The following ZNF121 variants were observed in gnomAD, a reference collection of about 807,000 sequenced individuals.
The protein encoded by ZNF121 is zinc finger protein 121, also known as zinc finger protein 121 (clone ZHC32).
In ZNF121, 1 loss-of-function variant was observed where a neutral mutation model predicts 2.4. The ratio of observed to expected loss-of-function variants is 0.41; its 90% CI spans 0.15 to 1.94. The LOEUF (loss-of-function observed/expected upper bound fraction) is 1.94. Among genes scored for constraint, ZNF121 ranks in the 30% most tolerant of loss-of-function variants. The probability of loss-of-function intolerance (pLI) is 0.30; values close to 1 mark genes in which losing one functional copy is unlikely to be tolerated. For missense variants in ZNF121, 369 were observed against 466.3 expected (o/e 0.79, Z 1.92); for synonymous variants, 173 against 158.6 (o/e 1.09, Z -0.68).
In ZNF121 at chr19:9,565,185, G is replaced by A. The variant is rs1340913168; in HGVS notation, c.*755C>T. ...GGCATGCCTGTATCTTGTATCAATA[G>A]GGTTTCTCTTCTCCATTGCAACATC... On this transcript the variant is annotated 3_prime_UTR_variant, in exon 4 of 4. Transcript: ENST00000320451. The A allele has an allele frequency of 6.6e-6, 1 of 151,480 alleles. No homozygotes were observed. The highest frequency in any genetic ancestry group is 1.5e-5 in the Non-Finnish European group (1 of 67,912). 9.4% of individuals were successfully genotyped at this position (151,480 alleles called of 1,614,324 possible).
In ZNF121 at chr19:9,566,658, A is replaced by C. The variant is rs778751023; in HGVS notation, c.455T>G (p.Phe152Cys). 1.2e-5 allele frequency: 20 copies of C among 1,614,052 alleles called. No homozygotes were observed. The African/African-American group carries it at 1.6e-4, about 13-fold the overall frequency. Residue 152 changes from phenylalanine to cysteine, a missense_variant, in exon 4 of 4, where the codon TTC (phenylalanine) becomes TGC (cysteine). Coordinates refer to ENST00000320451, the MANE Select transcript of ZNF121 (RefSeq NM_001008727.5). ...ATTAAGATATGAAGAATATCTAAAG[A>C]ATTTTCCACATTCCTTACATTCGTA... ...KPYECKECGK[F>C]FRYSSYLNSH...
At chr19:9,577,045 C>T (rs966895872) in intron 1 of ZNF121, among the ~76,000 whole-genome samples, 14 of 152,168 alleles carry the variant, frequency 9.2e-5, no homozygotes, top group Non-Finnish European at 1.9e-4. Flanking sequence ...CAATACAACT[C>T]GAATTCCTCA....
chr19:9,582,164 C>T (rs1169006820), intron 1 of ZNF121, among the ~76,000 whole-genome samples: 1 of 152,148 alleles, frequency 6.6e-6, no homozygotes, highest in African/African-American at 2.4e-5. Flanking sequence ...AAAAAATTAG[C>T]TGGGCATGGC....
intron 1 of ZNF121, among the ~76,000 whole-genome samples, chr19:9,581,775 G>A (rs2074249916): frequency 6.6e-6 from 1 of 152,128 alleles, no homozygotes; most frequent in African/African-American, 2.4e-5. Flanking sequence ...AGCATACGTT[G>A]AATCAATGCG....
chr19:9,570,752 G>A (rs920169857), intron 1 of ZNF121, among the ~76,000 whole-genome samples: 1 of 151,470 alleles, frequency 6.6e-6, no homozygotes, highest in African/African-American at 2.4e-5. Flanking sequence ...GAGGGGGGGG[G>A]GTATTTTTAG....
intron 1 of ZNF121, among the ~76,000 whole-genome samples, chr19:9,569,581 G>C (rs1172732542): frequency 6.6e-6 from 1 of 151,740 alleles, no homozygotes; most frequent in African/African-American, 2.4e-5. Context: ...ACCCAGGCTG[G>C]AGTGCAATGG....
chr19:9,584,303 G>A (rs1447749367), intron 1 of ZNF121, 158 bp downstream of exon 1: 1 of 152,262 alleles, frequency 6.6e-6, no homozygotes, highest in Non-Finnish European at 1.5e-5. Flanking sequence ...GACCCACTGA[G>A]CCTGCGGCCT....
At chr19:9,575,222 C>A (rs2074202052) in intron 1 of ZNF121, among the ~76,000 whole-genome samples, 1 of 152,042 alleles carries the variant, frequency 6.6e-6, no homozygotes, top group East Asian at 1.9e-4. Context: ...GAGTTAGAGA[C>A]CAGCGTGGTC....
intron 1 of ZNF121, among the ~76,000 whole-genome samples, chr19:9,581,244 T>C (rs1010323456): frequency 5.3e-5 from 8 of 151,986 alleles, no homozygotes; most frequent in African/African-American, 1.9e-4. Flanking sequence ...CTTGACCAGT[T>C]GCCATGAGAG....
intron 1 of ZNF121, among the ~76,000 whole-genome samples, chr19:9,572,237 G>A (rs1028674851): frequency 6.6e-6 from 1 of 152,068 alleles, no homozygotes; most frequent in Non-Finnish European, 1.5e-5. Context: ...GCAGTTTCTG[G>A]GGCTACAAAG....
rs146818068 is a variant in ZNF121, at chr19:9,576,202, T to C, written c.-159-7120A>G. ...CTAGAAATCACTAACAAGAGGAACC[T>C]TGATTCACAGGCTCAAAGTGGTGGC... On this transcript the variant is annotated intron_variant, in intron 1 of 3. Transcript: ENST00000320451. Among the ~76,000 whole-genome samples, 535 of 152,228 alleles carry C rather than the reference T, an allele frequency of 3.5e-3. 2 individuals are homozygous for C. The highest frequency in any genetic ancestry group is 0.012 in the African/African-American group (503 of 41,548).
chr19:9,569,993 G>C (rs1039950148), intron 1 of ZNF121, among the ~76,000 whole-genome samples: 1 of 151,360 alleles, frequency 6.6e-6, no homozygotes, highest in African/African-American at 2.4e-5. Flanking sequence ...CTGGAGTGTA[G>C]TGGCACAATC....
chr19:9,572,642 A>T (rs767878082), intron 1 of ZNF121, among the ~76,000 whole-genome samples: 4 of 152,172 alleles, frequency 2.6e-5, no homozygotes, highest in Non-Finnish European at 4.4e-5. Flanking sequence ...CAGTGCTGGA[A>T]TATGCCCTTT....
At chr19:9,568,205 A>T in intron 2 of ZNF121, 30 bp from the exon 3 acceptor site, 1 of 1,179,950 alleles carries the variant, frequency 8.5e-7, no homozygotes, top group Non-Finnish European at 1.2e-6. Context: ...AAGAAAAAAA[A>T]ATAGGGTCTG....
rs754298004 is a variant in ZNF121, at chr19:9,565,927, TCA to T, written c.*11_*12del. 10 of 1,516,374 alleles carry T rather than the reference TCA, an allele frequency of 6.6e-6. No individual in the cohort carries two copies. The South Asian group carries it at 1.2e-4, about 18-fold the overall frequency. 93.9% of individuals were successfully genotyped at this position (1,516,374 alleles called of 1,614,324 possible). ...TAAAAGATTTCCACATTCCTTACAT[TCA>T]GAGTTTTTCTTCAGTGTGTTTTTAA... is the stretch of plus-strand genomic sequence containing the variant. On this transcript the variant is annotated 3_prime_UTR_variant, in exon 4 of 4. Coordinates refer to ENST00000320451, the MANE Select transcript of ZNF121 (RefSeq NM_001008727.5).
chr19:9,573,342 A>C (rs1227312891), intron 1 of ZNF121, among the ~76,000 whole-genome samples: 1 of 152,232 alleles, frequency 6.6e-6, no homozygotes, highest in Non-Finnish European at 1.5e-5. Flanking sequence ...AAAAAGAGAA[A>C]TCTTACAACT....
At chr19:9,584,361 G>A (rs774768294) in intron 1 of ZNF121, 100 bp downstream of exon 1, 1 of 152,284 alleles carries the variant, frequency 6.6e-6, no homozygotes, top group Non-Finnish European at 1.5e-5. Context: ...GGAGAAGAGA[G>A]TGAAACGAGG....
chr19:9,575,855 A>G (rs2074206742), intron 1 of ZNF121, among the ~76,000 whole-genome samples: 1 of 152,118 alleles, frequency 6.6e-6, no homozygotes, highest in African/African-American at 2.4e-5. Flanking sequence ...TAAGTATATA[A>G]AGCAAACATT....
At chr19:9,581,711 T>C (rs188787168) in intron 1 of ZNF121, among the ~76,000 whole-genome samples, 1 of 152,224 alleles carries the variant, frequency 6.6e-6, no homozygotes, top group East Asian at 1.9e-4. Flanking sequence ...CTGAAAACAT[T>C]AACAATTGCA....
Sources: allele counts gnomAD v4.1 joint callset (sites outside exome capture counted in the v4.1 genomes callset), GRCh38; gene constraint gnomAD v4.1.1; transcripts MANE v1.5; gene names NCBI Gene and HGNC (gene_info 2026-07-23, HGNC 2026-07-21).